Variants in FAM20C observed in about 807,000 individuals in gnomAD.
The protein encoded by FAM20C is extracellular serine/threonine protein kinase FAM20C.
FAM20C carries 40 observed loss-of-function variants against 51.5 expected under a neutral mutation model. The observed-to-expected ratio is 0.78, with a 90% CI of 0.60 to 1.01. FAM20C has a LOEUF of 1.01. Ranked by LOEUF, FAM20C falls within the 50% of genes least tolerant of loss-of-function variation. The pLI is 0.00. For synonymous variants in FAM20C, 406 were observed against 380.6 expected (o/e 1.07, Z -0.78); for missense variants, 861 against 844.7 (o/e 1.02, Z -0.24).
intron 3 of FAM20C, among the ~76,000 whole-genome samples, chr7:210,834 G>A (rs1408898835): frequency 3.3e-5 from 5 of 152,192 alleles, no homozygotes; most frequent in South Asian, 4.1e-4. Flanking sequence ...GTTGGAGAAC[G>A]GTGACATTTA....
chr7:206,180 C>G (rs1486551927), intron 2 of FAM20C, among the ~76,000 whole-genome samples: 1 of 152,198 alleles, frequency 6.6e-6, no homozygotes, highest in African/African-American at 2.4e-5. Context: ...TCCCACGTCA[C>G]TCCACCAGAT....
chr7:248,198 C>T, intron 4 of FAM20C, 117 bp from the exon 5 acceptor site: 2 of 684,334 alleles, frequency 2.9e-6, no homozygotes, highest in Non-Finnish European at 4.8e-6. Context: ...ACACAGAGGC[C>T]CGCTGAGCCG....
intron 3 of FAM20C, among the ~76,000 whole-genome samples, chr7:223,976 T>C (rs1217702460): frequency 6.6e-6 from 1 of 151,998 alleles, no homozygotes; most frequent in East Asian, 1.9e-4. Context: ...AGGACCGTCC[T>C]GTGTCTGCCC....
chr7:242,191 C>T (rs1787967520), intron 3 of FAM20C, among the ~76,000 whole-genome samples: 1 of 152,182 alleles, frequency 6.6e-6, no homozygotes, highest in Non-Finnish European at 1.5e-5. Context: ...TGTGTGTGCC[C>T]GTCCCGCAAC....
At chr7:231,586 G>A (rs1001659042) in intron 3 of FAM20C, among the ~76,000 whole-genome samples, 8 of 152,132 alleles carry the variant, frequency 5.3e-5, no homozygotes, top group African/African-American at 1.2e-4. Context: ...GCACTGTGTG[G>A]CCTGGCCTGG....
intron 3 of FAM20C, among the ~76,000 whole-genome samples, chr7:226,515 C>T (rs1787453807): frequency 6.6e-6 from 1 of 152,208 alleles, no homozygotes; most frequent in Non-Finnish European, 1.5e-5. Context: ...CACACGGCCG[C>T]CCGGCTGGGC....
chr7:234,356 C>T (rs1787788350), intron 3 of FAM20C, among the ~76,000 whole-genome samples: 1 of 152,204 alleles, frequency 6.6e-6, no homozygotes, highest in Non-Finnish European at 1.5e-5. Flanking sequence ...TCCTTGCTGC[C>T]CACGACTGAG....
chr7:252,973 A>G (rs1449977160), intron 5 of FAM20C, among the ~76,000 whole-genome samples: 1 of 152,254 alleles, frequency 6.6e-6, no homozygotes, highest in African/African-American at 2.4e-5. Flanking sequence ...CCCCAGGACC[A>G]GGCCCAGGTC....
chr7:215,063 A>G (rs963654966), intron 3 of FAM20C, among the ~76,000 whole-genome samples: 4 of 151,868 alleles, frequency 2.6e-5, no homozygotes, highest in African/African-American at 9.7e-5. Flanking sequence ...ACACTCTCCT[A>G]TGCTCCACGG....
chr7:226,666 G>A (rs139828529), intron 3 of FAM20C, among the ~76,000 whole-genome samples: 1,780 of 152,294 alleles, frequency 0.012, 17 homozygotes, highest in Middle Eastern at 0.027. Flanking sequence ...GAATCCGCCC[G>A]GGCTGGAGCC....
At chr7:258,589 C>T (rs879018122) in intron 8 of FAM20C, 57 bp from the exon 9 acceptor site, 2 of 1,515,540 alleles carry the variant, frequency 1.3e-6, no homozygotes, top group African/African-American at 1.4e-5. Context: ...CCCAGCCCAG[C>T]AGCCTGTTAG....
intron 1 of FAM20C, 23 bp from the exon 2 acceptor site, chr7:195,531 T>G (rs1487135497): frequency 6.6e-7 from 1 of 1,506,610 alleles, no homozygotes; most frequent in African/African-American, 1.4e-5. Context: ...CATGCTGATG[T>G]TCGTCCTCGC....
intron 3 of FAM20C, among the ~76,000 whole-genome samples, chr7:222,502 T>C (rs577655896): frequency 6.6e-6 from 1 of 152,136 alleles, no homozygotes; most frequent in Non-Finnish European, 1.5e-5. Flanking sequence ...GGCCCAGGGC[T>C]GGCACTGAGA....
rs577919817 is a variant in FAM20C at position 219,315 on chromosome 7, T to C, written c.863+10339T>C. On this transcript the variant is annotated intron_variant, in intron 3 of 9. Transcript: ENST00000313766. The stretch of plus-strand genomic sequence containing the variant: ...GCACAGTCCGTGCTTGCTGAGTGCA[T>C]GGATGAAAAGTGAAGGACACCCAGC... Among the ~76,000 whole-genome samples, 434 of 150,378 alleles carry C rather than the reference T, an allele frequency of 2.9e-3. 2 individuals are homozygous for C. The highest frequency in any genetic ancestry group is 4.7e-3 in the Non-Finnish European group (315 of 67,662).
At chr7:231,461 C>T (rs28561969) in intron 3 of FAM20C, among the ~76,000 whole-genome samples, 39,370 of 143,542 alleles carry the variant, frequency 0.27, 6,147 homozygotes, top group Non-Finnish European at 0.36. Flanking sequence ...AGGAGGGTCC[C>T]GGCGTGGAGG....
intron 3 of FAM20C, among the ~76,000 whole-genome samples, chr7:211,193 G>T (rs1261198179): frequency 1.9e-5 from 2 of 105,704 alleles, no homozygotes; most frequent in African/African-American, 6.7e-5. Flanking sequence ...ACCTCCCTCA[G>T]CCTCCTCCAA....
chr7:214,786 C>G (rs908950602), intron 3 of FAM20C, among the ~76,000 whole-genome samples: 1 of 152,128 alleles, frequency 6.6e-6, no homozygotes, highest in Non-Finnish European at 1.5e-5. Context: ...GTCCGGTGGA[C>G]GCACCCAGCA....
chr7:242,917 G>T (rs1787994302), intron 3 of FAM20C, among the ~76,000 whole-genome samples: 1 of 152,202 alleles, frequency 6.6e-6, no homozygotes, highest in South Asian at 2.1e-4. Flanking sequence ...GGCGAGAACA[G>T]CTGCCCCCCA....
At chr7:234,113 G>A (rs973244176) in intron 3 of FAM20C, among the ~76,000 whole-genome samples, 5 of 152,220 alleles carry the variant, frequency 3.3e-5, no homozygotes, top group South Asian at 4.1e-4. Context: ...CAGGGAGGCC[G>A]TCCCGGCAAG....
Sources: allele counts gnomAD v4.1 joint callset (sites outside exome capture counted in the v4.1 genomes callset), GRCh38; gene constraint gnomAD v4.1.1; transcripts MANE v1.5; gene names NCBI Gene and HGNC (gene_info 2026-07-23, HGNC 2026-07-21).